The following NHSL1 variants were observed in gnomAD, a reference collection of about 807,000 sequenced individuals.
NHSL1 encodes the protein NHS like 1, also known as NHS-like protein 1.
In NHSL1, 48 loss-of-function variants were observed where a neutral mutation model predicts 95.0. The observed-to-expected ratio is 0.51, with a 90% CI of 0.40 to 0.64. The LOEUF is 0.64. Ranked by LOEUF, NHSL1 falls within the 30% of genes least tolerant of loss-of-function variation. The pLI is 0.00. For missense variants in NHSL1, 1,971 were observed against 2,077.7 expected, an observed-to-expected ratio of 0.95 and a Z score of 1.00; for synonymous variants, 783 against 833.9, an observed-to-expected ratio of 0.94 and a Z score of 1.05.
At chr6:138,688,177 C>T (rs1323002196) in intron 1 of NHSL1, among the ~76,000 whole-genome samples, 1 of 152,098 alleles carries the variant, frequency 6.6e-6, no homozygotes. Flanking sequence ...GTCTCGAACT[C>T]CTGGCCTCAA....
Position 138,601,202 on chromosome 6 carries a change from G to A in NHSL1, c.96+91274C>T, listed in dbSNP as rs180942173. Among the ~76,000 whole-genome samples the A allele has an allele frequency of 2.4e-4, 36 of 152,256 alleles. 1 individual carries two copies. The highest frequency in any genetic ancestry group is 4.1e-4 in the Non-Finnish European group (28 of 68,008). ...TCACCAGGATTGTTGGGAATCTTTT[G>A]ATTATACTCCCTGGCCTGACTTTAT... On this transcript the variant is annotated intron_variant, in intron 1 of 3. Transcript: ENST00000491526.
Position 138,431,523 on chromosome 6 carries a change from G to A in NHSL1, c.2822C>T (p.Pro941Leu), listed in dbSNP as rs1215516808. The A allele has an allele frequency of 6.4e-7, 1 of 1,551,082 alleles. No individual in the cohort carries two copies. The highest frequency in any genetic ancestry group is 8.7e-7 in the Non-Finnish European group (1 of 1,146,638). ...PPPPVPSPPF[P>L]CPADRSPFLP... ...GAAAGGAGACCTGTCTGCAGGACAA[G>A]GGAATGGAGGAGAGGGAACAGGAGG... Residue 941 changes from proline (P) to leucine (L), a missense_variant, in exon 6 of 8, where the codon CCT becomes CTT. Around this residue, in one of 3 missense-constraint regions of NHSL1, gnomAD observed 1,602 missense variants for 1,654.5 expected, o/e 0.97. Transcript: ENST00000343505. This position sits in a 1 kb window ranked among gnomAD's most constrained non-coding sequence, Gnocchi z 4.0.
intron 1 of NHSL1, among the ~76,000 whole-genome samples, chr6:138,537,552 A>G (rs1035026131): frequency 2.0e-5 from 3 of 151,664 alleles, no homozygotes; most frequent in African/African-American, 7.3e-5. Context: ...AAATAACATC[A>G]CTATATATTA....
chr6:138,474,292 TG>T (rs2128249398), intron 2 of NHSL1, among the ~76,000 whole-genome samples: 1 of 152,302 alleles, frequency 6.6e-6, no homozygotes, highest in African/African-American at 2.4e-5. Flanking sequence ...AAAACGTGTG[TG>T]GTTTTGGAAA....
chr6:138,565,137 T>C (rs1783562264), intron 1 of NHSL1, among the ~76,000 whole-genome samples: 1 of 152,184 alleles, frequency 6.6e-6, no homozygotes, highest in Admixed American at 6.6e-5. Flanking sequence ...GACAGAGTCT[T>C]GCTCTGTCAC....
chr6:138,663,062 C>CAAAAAAAAAAAAAAA (rs10632082), intron 1 of NHSL1, among the ~76,000 whole-genome samples: 2 of 126,692 alleles, frequency 1.6e-5, no homozygotes, highest in Admixed American at 8.1e-5. Context: ...GAACTCACGG[C>CAAAAAAAAAAAAAAA]AAAAAAAAAA....
intron 1 of NHSL1, among the ~76,000 whole-genome samples, chr6:138,660,679 G>A (rs1211690652): frequency 2.0e-5 from 3 of 151,870 alleles, no homozygotes; most frequent in Non-Finnish European, 2.9e-5. Context: ...CACCAGGCTG[G>A]GCATGGTGGC....
intron 1 of NHSL1, among the ~76,000 whole-genome samples, chr6:138,522,164 C>A (rs918220877): frequency 6.6e-6 from 1 of 152,156 alleles, no homozygotes; most frequent in Non-Finnish European, 1.5e-5. Context: ...GGTGAGAAAG[C>A]AGATCAGATG....
intron 1 of NHSL1, among the ~76,000 whole-genome samples, chr6:138,670,475 G>A (rs1466058273): frequency 1.3e-5 from 2 of 151,234 alleles, no homozygotes; most frequent in African/African-American, 4.8e-5. Context: ...GACCATCCCG[G>A]CTAAAACGGT....
At chr6:138,517,070 TA>T (rs1781489879) in intron 1 of NHSL1, among the ~76,000 whole-genome samples, 1 of 152,216 alleles carries the variant, frequency 6.6e-6, no homozygotes, top group Admixed American at 6.5e-5. Context: ...GGGATGGAAG[TA>T]AACAGTCTAT....
In NHSL1 at chr6:138,499,449, G is replaced by A; in HGVS notation, c.-159C>T. 7.1e-7 allele frequency: 1 copy of A among 1,405,140 alleles called. No homozygotes were observed. The highest frequency in any genetic ancestry group is 9.3e-7 in the Non-Finnish European group (1 of 1,071,550). 87.0% of individuals were successfully genotyped at this position (1,405,140 alleles called of 1,614,324 possible). On this transcript the variant is annotated 5_prime_UTR_variant, in exon 1 of 8. Coordinates refer to ENST00000343505, the MANE Select transcript of NHSL1 (RefSeq NM_001144060.2). ...TGCCCAGGCTGATGTAACTGAGGTT[G>A]AGTTTATTGTCAGGCAGTTACAAAC...
intron 1 of NHSL1, among the ~76,000 whole-genome samples, chr6:138,618,503 C>T (rs1170264994): frequency 6.6e-6 from 1 of 152,218 alleles, no homozygotes; most frequent in Non-Finnish European, 1.5e-5. Context: ...GTTTTTCTGA[C>T]TAGCTGTTTA....
At chr6:138,584,384 ACTTTAT>A (rs1784103334) in intron 1 of NHSL1, among the ~76,000 whole-genome samples, 1 of 152,144 alleles carries the variant, frequency 6.6e-6, no homozygotes, top group African/African-American at 2.4e-5. Context: ...ATTTAAGATG[ACTTTAT>A]CTTTGTATGT....
intron 1 of NHSL1, among the ~76,000 whole-genome samples, chr6:138,616,530 CAG>C (rs147079893): frequency 0.022 from 3,212 of 147,284 alleles, 47 homozygotes; most frequent in Non-Finnish European, 0.033. Flanking sequence ...CAGGCAGAGA[CAG>C]AGAGAGAGAG....
At chr6:138,669,404 C>G (rs911322035) in intron 1 of NHSL1, among the ~76,000 whole-genome samples, 2 of 152,060 alleles carry the variant, frequency 1.3e-5, no homozygotes, top group African/African-American at 4.8e-5. Context: ...AAGCTAAGAA[C>G]CTATGCTATT....
intron 1 of NHSL1, among the ~76,000 whole-genome samples, chr6:138,578,129 T>G (rs769658524): frequency 1.6e-4 from 24 of 152,194 alleles, no homozygotes; most frequent in Non-Finnish European, 3.2e-4. Flanking sequence ...CCACAGTGCC[T>G]TCAACGGAAT....
intron 1 of NHSL1, among the ~76,000 whole-genome samples, chr6:138,668,108 C>T (rs961664756): frequency 3.9e-5 from 6 of 152,164 alleles, no homozygotes; most frequent in African/African-American, 1.4e-4. Flanking sequence ...CCTCCAGGAA[C>T]ATGGGGACCT....
chr6:138,460,745 A>G (rs1015739256), intron 3 of NHSL1, among the ~76,000 whole-genome samples: 1 of 151,828 alleles, frequency 6.6e-6, no homozygotes, highest in Non-Finnish European at 1.5e-5. Context: ...CTCTGCTTAA[A>G]AAATGTGTTA....
At chr6:138,518,770 C>A (rs1193851927) in intron 1 of NHSL1, among the ~76,000 whole-genome samples, 2 of 152,136 alleles carry the variant, frequency 1.3e-5, no homozygotes, top group Non-Finnish European at 2.9e-5. Flanking sequence ...GTAATCCCAG[C>A]ACTTTAGGAG....
Sources: allele counts gnomAD v4.1 joint callset (sites outside exome capture counted in the v4.1 genomes callset), GRCh38; gene constraint gnomAD v4.1.1; regional missense constraint gnomAD v4.1.1; non-coding constraint Gnocchi (gnomAD v3.1); transcripts MANE v1.5; gene names NCBI Gene and HGNC (gene_info 2026-07-23, HGNC 2026-07-21).